Variants in RTEL1 observed in about 807,000 individuals in gnomAD.
RTEL1 encodes the protein regulator of telomere length.
Under a neutral mutation model 162.2 loss-of-function variants are expected in RTEL1, and 86 were observed. The ratio of observed to expected loss-of-function variants is 0.53; its 90% confidence interval spans 0.45 to 0.63. The LOEUF is 0.63. Among genes scored for constraint, RTEL1 ranks in the 30% least tolerant of loss-of-function variants. RTEL1 has a pLI of 0.00. For synonymous variants in RTEL1, 958 were observed against 717.9 expected, an observed-to-expected ratio of 1.33 and a Z score of -5.35; for missense variants, 1,941 against 1,750.2, an observed-to-expected ratio of 1.11 and a Z score of -1.95.
chr20:63,666,287 C>T (rs534292118), intron 7 of RTEL1, among the ~76,000 whole-genome samples: 17 of 152,384 alleles, frequency 1.1e-4, no homozygotes, highest in Non-Finnish European at 1.6e-4. Flanking sequence ...CAGCCATCCC[C>T]GGTGGCCACC....
Position 63,692,730 on chromosome 20 carries a change from C to T in RTEL1, c.2653-75C>T, listed in dbSNP as rs753937360. On this transcript the variant is annotated intron_variant, in intron 28 of 34. Transcript: ENST00000360203. ...CTGTCCCAGGGAACGCTCAATGTTC[C>T]AAGGAAGGCTCTGCAGCCCCAGGGA... is the stretch of plus-strand genomic sequence containing the variant. 3 of 1,435,118 alleles carry T rather than the reference C, an allele frequency of 2.1e-6. No homozygotes were observed. The African/African-American group carries it at 4.2e-5, about 20-fold the overall frequency. The allele number at this position is 1,435,118 out of a possible 1,614,324, so 88.9% of individuals were successfully genotyped here. A position where few individuals can be genotyped will look rare whatever the true frequency, so the allele number is the denominator to read the frequency against.
At chr20:63,689,982 C>T (rs1021656328) in intron 24 of RTEL1, 105 bp from the exon 25 acceptor site, 7 of 1,554,530 alleles carry the variant, frequency 4.5e-6, no homozygotes, top group East Asian at 2.3e-5. Flanking sequence ...TCCGGCTACT[C>T]GGGGTCAGCG....
In RTEL1 at chr20:63,693,153, G is replaced by C. The variant is rs2090803221; in HGVS notation, c.2862G>C (p.Gln954His). The part of the protein sequence containing the change: ...KKHNLLQGFY[Q>H]FVRPHHKQQF... ...CCCCTTCCTCTACAGGCTTCTACCA[G>C]TTTGTGCGGCCCCACCATAAGCAGC... The change falls in exon 30 of 35, where the codon CAG (glutamine) becomes CAC (histidine). Residue 954 changes from glutamine (Q) to histidine (H), a missense_variant. Physicochemically the swap from Gln to His is conservative, Grantham distance 24. Transcript: ENST00000360203. 2.5e-6 allele frequency: 4 copies of C among 1,612,088 alleles called. No individual in the cohort carries two copies. Among genetic ancestry groups the C allele is most frequent in the Non-Finnish European group, 3.4e-6 (4 of 1,179,578 alleles).
At chr20:63,687,007 C>G (rs1056576179) in intron 16 of RTEL1, 3 of 153,068 alleles carry the variant, frequency 2.0e-5, no homozygotes, top group African/African-American at 7.2e-5. Flanking sequence ...AGGAAGGAAA[C>G]GTGCCTCGTC....
chr20:63,665,626 C>T (rs2090110083), intron 6 of RTEL1, among the ~76,000 whole-genome samples: 1 of 152,008 alleles, frequency 6.6e-6, no homozygotes, highest in South Asian at 2.1e-4. Flanking sequence ...GGAGATGCCT[C>T]TGTGGGTTGG....
rs746102666 is a variant in RTEL1, at chr20:63,691,743, C to G, written c.2558C>G (p.Ala853Gly). 2 of 1,611,888 alleles carry G rather than the reference C, an allele frequency of 1.2e-6. No homozygotes were observed. The highest frequency in any genetic ancestry group is 2.2e-5 in the South Asian group (2 of 91,064). ...GGTTGTGAGCTGTGTCCTCCTCAGG[C>G]CCACAGCTGCTCCACCCTGTCCCTC... ...QRAGSPGEEQ[A>G]HSCSTLSLLS... The change falls in exon 28 of 35, where the codon GCC becomes GGC. Residue 853 changes from alanine (A) to glycine (G), a missense_variant and splice_region_variant. Ala to Gly is a moderately conservative substitution (Grantham distance 60). Coordinates refer to ENST00000360203, the MANE Select transcript of RTEL1 (RefSeq NM_001283009.2).
intron 24 of RTEL1, 43 bp downstream of exon 24, chr20:63,689,908 C>A: frequency 6.4e-7 from 1 of 1,569,566 alleles, no homozygotes; most frequent in Non-Finnish European, 8.7e-7. Context: ...GGGGACACGC[C>A]CACACCCCAC....
intron 28 of RTEL1, 29 bp from the exon 29 acceptor site, chr20:63,692,776 T>C: frequency 6.3e-7 from 1 of 1,596,334 alleles, no homozygotes; most frequent in Non-Finnish European, 8.6e-7. Context: ...AGGCTGGCCC[T>C]GATGGAGCCT....
chr20:63,662,172 G>A (rs1164101963), intron 4 of RTEL1, among the ~76,000 whole-genome samples: 1 of 152,198 alleles, frequency 6.6e-6, no homozygotes, highest in Non-Finnish European at 1.5e-5. Flanking sequence ...GACCTTGGGC[G>A]GGCGTCCTGA....
In RTEL1 at chr20:63,693,163, C is replaced by A; in HGVS notation, c.2872C>A (p.Pro958Thr). ...LLQGFYQFVR[P>T]HHKQQFEEVC... ...TACAGGCTTCTACCAGTTTGTGCGG[C>A]CCCACCATAAGCAGCAGTTTGAGGA... The change falls in exon 30 of 35, where the codon CCC (proline) becomes ACC (threonine). Residue 958 changes from proline (P) to threonine (T), a missense_variant. By Grantham distance (38) the Pro-to-Thr change is conservative. Coordinates refer to ENST00000360203, the MANE Select transcript of RTEL1 (RefSeq NM_001283009.2). 1 of 1,612,202 alleles carries A rather than the reference C, an allele frequency of 6.2e-7. No individual in the cohort carries two copies.
Position 63,678,251 on chromosome 20 carries a change from A to G in RTEL1, c.959-17A>G, listed in dbSNP as rs374694007. The G allele has an allele frequency of 2.5e-6, 4 of 1,611,576 alleles. No homozygotes were observed. The highest frequency in any genetic ancestry group is 1.6e-4 in the Middle Eastern group (1 of 6,070). On this transcript the variant is annotated splice_polypyrimidine_tract_variant and intron_variant, in intron 11 of 34. Transcript: ENST00000360203. Reference sequence around the variant, plus strand: ...TCCTCCTTGCGAGGAGGTGGGTGACACCTCCTCGACCCACAGTGATCCTGC... The same window carrying G: ...TCCTCCTTGCGAGGAGGTGGGTGACGCCTCCTCGACCCACAGTGATCCTGC...
At position 63,689,531 on chromosome 20, in the gene RTEL1, G is replaced by C. The variant is rs779437642; in HGVS notation, c.1908G>C (p.Thr636=). 6.2e-7 allele frequency: 1 copy of C among 1,609,434 alleles called. No individual in the cohort carries two copies. Among genetic ancestry groups the C allele is most frequent in the East Asian group, 2.2e-5 (1 of 44,784 alleles). ...GCGAGGGGCTGGACTTCTCAGACAC[G>C]AATGGCCGTGGTGTGATTGTCACGG... is the stretch of plus-strand genomic sequence containing the variant. ...KASEGLDFSD[T]NGRGVIVTGL... The change falls in exon 23 of 35, where the codon ACG becomes ACC. Residue 636 remains threonine (T), a synonymous_variant. Transcript: ENST00000360203.
At chr20:63,671,489 T>A (rs1257037753) in intron 8 of RTEL1, among the ~76,000 whole-genome samples, 5 of 148,630 alleles carry the variant, frequency 3.4e-5, no homozygotes, top group Non-Finnish European at 7.5e-5. Flanking sequence ...ATGTGTGAAA[T>A]TTTTTTTTTT....
rs777796957 is a variant in RTEL1, at chr20:63,661,333, A to G, written c.138A>G (p.Thr46=). 19 of 1,612,776 alleles carry G rather than the reference A, an allele frequency of 1.2e-5. No individual in the cohort carries two copies. The Admixed American group carries it at 2.3e-4, about 20-fold the overall frequency. Reference sequence around the variant, plus strand: ...GCATCCTGGAGAGCCCTACGGGTACAGGGAAGACGCTGTGCCTGCTGTGCA... The same window carrying G: ...GCATCCTGGAGAGCCCTACGGGTACGGGGAAGACGCTGTGCCTGCTGTGCA... ...VNGILESPTG[T]GKTLCLLCTT... is the part of the protein sequence containing the mutation. Residue 46 remains threonine (T), a synonymous_variant, in exon 3 of 35, where the codon ACA becomes ACG. Coordinates refer to ENST00000360203, the MANE Select transcript of RTEL1 (RefSeq NM_001283009.2). The surrounding 1 kb of genome is among the most constrained non-coding windows in gnomAD (Gnocchi z 5.1).
chr20:63,660,047 C>T (rs376076978), intron 2 of RTEL1, among the ~76,000 whole-genome samples: 2 of 152,152 alleles, frequency 1.3e-5, no homozygotes, highest in African/African-American at 2.4e-5. Flanking sequence ...CCAAACATCT[C>T]GGTGGAGTAA....
intron 27 of RTEL1, 85 bp downstream of exon 27, chr20:63,691,032 C>T (rs996582111): frequency 5.4e-5 from 72 of 1,334,046 alleles, no homozygotes; most frequent in Non-Finnish European, 7.0e-5. Context: ...TCAGGCACCT[C>T]CCCACACACC....
intron 10 of RTEL1, among the ~76,000 whole-genome samples, chr20:63,676,038 CA>C (rs942976456): frequency 2.0e-5 from 3 of 152,080 alleles, no homozygotes; most frequent in Non-Finnish European, 2.9e-5. Flanking sequence ...CCATCTCATT[CA>C]GGACCAGAAC....
At chr20:63,694,562 A>C (rs2090920333) in intron 31 of RTEL1, 74 bp downstream of exon 31, 2 of 1,355,990 alleles carry the variant, frequency 1.5e-6, no homozygotes, top group Middle Eastern at 2.1e-4. Flanking sequence ...CTAACTCTTG[A>C]GTGTGGCCGG....
At chr20:63,660,537 C>T (rs919539338) in intron 2 of RTEL1, 1 of 152,384 alleles carries the variant, frequency 6.6e-6, no homozygotes, top group African/African-American at 2.4e-5. Flanking sequence ...TTTCTGTGAG[C>T]TCAAGGCTGG....
Sources: gnomAD v4.1 joint callset for allele counts (sites outside exome capture counted in the v4.1 genomes callset) on GRCh38, gnomAD v4.1.1 for gene constraint, Gnocchi (gnomAD v3.1) non-coding constraint, MANE v1.5 for transcripts, NCBI Gene and HGNC (gene_info 2026-07-23, HGNC 2026-07-21) for gene names.